The following RBP2 variants were observed in gnomAD, a reference collection of about 807,000 sequenced individuals.
RBP2 encodes the protein retinol-binding protein 2.
Under a neutral mutation model 17.0 loss-of-function variants are expected in RBP2, and 17 were observed. The ratio of observed to expected loss-of-function variants is 1.00; its 90% CI spans 0.68 to 1.50. The LOEUF is 1.50. RBP2 is among the 40% of genes most tolerant of loss of function. The pLI is 0.00. For missense variants in RBP2, 158 were observed against 168.2 expected (o/e 0.94, Z 0.33); for synonymous variants, 48 against 57.1 (o/e 0.84, Z 0.72).
intron 1 of RBP2, among the ~76,000 whole-genome samples, chr3:139,469,069 G>A (rs1347227008): frequency 1.3e-5 from 2 of 152,230 alleles, no homozygotes; most frequent in African/African-American, 4.8e-5. Context: ...AGGCAAAAAG[G>A]GCAGGTGCTC....
At chr3:139,456,383 G>T (rs925526057) in intron 2 of RBP2, among the ~76,000 whole-genome samples, 5 of 152,056 alleles carry the variant, frequency 3.3e-5, no homozygotes, top group African/African-American at 1.2e-4. Flanking sequence ...TATACTTTAT[G>T]TACAATTTTA....
chr3:139,462,993 C>A (rs895306655), intron 1 of RBP2, among the ~76,000 whole-genome samples: 1 of 151,772 alleles, frequency 6.6e-6, no homozygotes, highest in Non-Finnish European at 1.5e-5. Context: ...ACCACCATAC[C>A]CAGCTAATTT....
intron 1 of RBP2, among the ~76,000 whole-genome samples, chr3:139,463,021 A>G (rs1933244435): frequency 6.6e-6 from 1 of 150,882 alleles, no homozygotes; most frequent in Non-Finnish European, 1.5e-5. Flanking sequence ...TTTTGTAGAG[A>G]TGGGGTTTCA....
At chr3:139,472,058 G>A (rs1334579021) in intron 1 of RBP2, among the ~76,000 whole-genome samples, 7 of 151,986 alleles carry the variant, frequency 4.6e-5, no homozygotes, top group Admixed American at 3.9e-4. Flanking sequence ...GGTGTCCCAG[G>A]CCCATGCCTG....
chr3:139,462,072 A>G (rs1335302565), intron 2 of RBP2, 40 bp downstream of exon 2: 31 of 1,576,764 alleles, frequency 2.0e-5, no homozygotes, highest in Non-Finnish European at 2.6e-5. Context: ...AGCCCCTGGC[A>G]CAGAATGTGT....
intron 1 of RBP2, among the ~76,000 whole-genome samples, chr3:139,474,968 G>GT (rs1420184157): frequency 2.0e-5 from 3 of 151,964 alleles, no homozygotes; most frequent in Admixed American, 2.0e-4. Context: ...CTATATTGAG[G>GT]TAAAAATCCT....
At chr3:139,457,683 A>T (rs776091296) in intron 2 of RBP2, among the ~76,000 whole-genome samples, 1 of 151,896 alleles carries the variant, frequency 6.6e-6, no homozygotes. Flanking sequence ...GGTGCCCTTC[A>T]TCCCTGCATC....
intron 3 of RBP2, among the ~76,000 whole-genome samples, 164 bp downstream of exon 3, chr3:139,454,565 C>T (rs1943362543): frequency 1.3e-5 from 2 of 152,242 alleles, no homozygotes; most frequent in Admixed American, 1.3e-4. Flanking sequence ...CTGGAGTCCC[C>T]TGAGCCAGAT....
chr3:139,468,307 C>T (rs141808666), intron 1 of RBP2, among the ~76,000 whole-genome samples: 321 of 152,300 alleles, frequency 2.1e-3, no homozygotes, highest in Middle Eastern at 3.4e-3. Flanking sequence ...ACTAACACCT[C>T]CGCTCCCCAG....
At chr3:139,459,812 T>A (rs1933122218) in intron 2 of RBP2, among the ~76,000 whole-genome samples, 1 of 148,508 alleles carries the variant, frequency 6.7e-6, no homozygotes, top group Non-Finnish European at 1.5e-5. Context: ...TACTTCTCAC[T>A]CCCTACTAAG....
chr3:139,473,704 G>A (rs1353008489), intron 1 of RBP2, among the ~76,000 whole-genome samples: 1 of 152,182 alleles, frequency 6.6e-6, no homozygotes, highest in Non-Finnish European at 1.5e-5. Flanking sequence ...TAGATTGAAG[G>A]GGCAGCTCTT....
chr3:139,467,222 T>C (rs1362111992), intron 1 of RBP2, among the ~76,000 whole-genome samples: 1 of 152,194 alleles, frequency 6.6e-6, no homozygotes, highest in Non-Finnish European at 1.5e-5. Context: ...GTGAGGTTCC[T>C]GGGCTGGCAG....
chr3:139,456,884 A>G (rs1037907927), intron 2 of RBP2, among the ~76,000 whole-genome samples: 5 of 152,182 alleles, frequency 3.3e-5, no homozygotes, highest in Admixed American at 1.3e-4. Context: ...AGCTATATTC[A>G]TAGGTTGCCT....
intron 1 of RBP2, among the ~76,000 whole-genome samples, chr3:139,464,777 G>A (rs1173083780): frequency 6.6e-6 from 1 of 152,150 alleles, no homozygotes. Flanking sequence ...TCTACTATTT[G>A]TTGAGTACCT....
chr3:139,476,473 G>T lies in RBP2; in HGVS notation c.-14C>A. On this transcript the variant is annotated 5_prime_UTR_variant, in exon 1 of 4. Coordinates refer to ENST00000232217, the MANE Select transcript of RBP2 (RefSeq NM_004164.3). ...GTCCCTTGTCATGGTGGTGGCCACT[G>T]GTTCGGTGAGGGTTTGTGGTGGATG... The T allele has an allele frequency of 6.2e-7, 1 of 1,613,314 alleles. No homozygotes were observed. The highest frequency in any genetic ancestry group is 8.5e-7 in the Non-Finnish European group (1 of 1,179,366).
chr3:139,456,383 G>A (rs925526057), intron 2 of RBP2, among the ~76,000 whole-genome samples: 1 of 152,056 alleles, frequency 6.6e-6, no homozygotes, highest in Non-Finnish European at 1.5e-5. Flanking sequence ...TATACTTTAT[G>A]TACAATTTTA....
At chr3:139,472,901 G>T (rs1933612380) in intron 1 of RBP2, among the ~76,000 whole-genome samples, 1 of 152,210 alleles carries the variant, frequency 6.6e-6, no homozygotes, top group Admixed American at 6.5e-5. Context: ...ACAGTCCCTG[G>T]CATCCACAGC....
intron 1 of RBP2, among the ~76,000 whole-genome samples, chr3:139,474,293 T>C (rs1933657218): frequency 6.6e-6 from 1 of 152,196 alleles, no homozygotes; most frequent in Non-Finnish European, 1.5e-5. Context: ...GCAGGATTTC[T>C]TGGAGAGAGC....
intron 1 of RBP2, among the ~76,000 whole-genome samples, chr3:139,465,932 G>A (rs545330227): frequency 1.3e-5 from 2 of 152,222 alleles, no homozygotes; most frequent in South Asian, 2.1e-4. Context: ...AGAGACGAAC[G>A]GTCTCTCGGC....
Sources: gnomAD v4.1 joint callset for allele counts (sites outside exome capture counted in the v4.1 genomes callset) on GRCh38, gnomAD v4.1.1 for gene constraint, MANE v1.5 for transcripts, NCBI Gene and HGNC (gene_info 2026-07-23, HGNC 2026-07-21) for gene names.